Variants in ULK4 observed in about 807,000 individuals in gnomAD.
The protein encoded by ULK4 is unc-51 like kinase 4.
In ULK4, 133 loss-of-function variants were observed where a neutral mutation model predicts 160.6. That is an observed-to-expected ratio of 0.83 (90% CI 0.72 to 0.96). ULK4 has a LOEUF of 0.96. Among genes scored for constraint, ULK4 ranks in the 40% least tolerant of loss-of-function variants. The pLI is 0.00. For synonymous variants in ULK4, 534 were observed against 539.8 expected (o/e 0.99, Z 0.15); for missense variants, 1,580 against 1,499.5 (o/e 1.05, Z -0.89).
chr3:41,672,318 G>C (rs1269916940), intron 29 of ULK4, among the ~76,000 whole-genome samples: 1 of 152,146 alleles, frequency 6.6e-6, no homozygotes, highest in Non-Finnish European at 1.5e-5. Flanking sequence ...AATCAACCTA[G>C]TGTCCATCAA....
chr3:41,579,480 CTAATATTTTT>C, intron 31 of ULK4, among the ~76,000 whole-genome samples: 1 of 132,852 alleles, frequency 7.5e-6, no homozygotes, highest in African/African-American at 2.8e-5. Context: ...CAATCTGGAA[CTAATATTTTT>C]TTTTTTTTTT....
chr3:41,658,589 T>C lies in ULK4; in HGVS notation c.3071+5018A>G, dbSNP rs187017916. On this transcript the variant is annotated intron_variant, in intron 30 of 36. Transcript: ENST00000301831. ...GGACTTGTTAAATCAATATGTAATA[T>C]TGATAAAATGCAACGCTATGTATCT... Among the ~76,000 whole-genome samples, 247 of 152,286 alleles carry C rather than the reference T, an allele frequency of 1.6e-3. 1 individual carries two copies. The highest frequency in any genetic ancestry group is 5.8e-3 in the African/African-American group (240 of 41,566).
At chr3:41,805,518 A>G (rs2040614204) in intron 19 of ULK4, among the ~76,000 whole-genome samples, 1 of 151,860 alleles carries the variant, frequency 6.6e-6, no homozygotes, top group African/African-American at 2.4e-5. Context: ...TTCCAACACT[A>G]TGTTGAATAG....
At chr3:41,730,947 C>A (rs1193598505) in intron 22 of ULK4, among the ~76,000 whole-genome samples, 1 of 152,036 alleles carries the variant, frequency 6.6e-6, no homozygotes, top group Non-Finnish European at 1.5e-5. Context: ...GATTTCAATA[C>A]ATGCAGGGAA....
chr3:41,308,564 A>G (rs1214161180), intron 35 of ULK4, among the ~76,000 whole-genome samples: 13 of 152,236 alleles, frequency 8.5e-5, no homozygotes. Flanking sequence ...AAAAAGTGAA[A>G]AAATGTGGTT....
At chr3:41,774,296 T>C (rs2039519718) in intron 21 of ULK4, among the ~76,000 whole-genome samples, 1 of 150,516 alleles carries the variant, frequency 6.6e-6, no homozygotes, top group Non-Finnish European at 1.5e-5. Flanking sequence ...ACCTACAAAA[T>C]GGGAGAAAAT....
At chr3:41,666,663 C>T (rs145172734) in intron 29 of ULK4, among the ~76,000 whole-genome samples, 71 of 152,232 alleles carry the variant, frequency 4.7e-4, no homozygotes, top group African/African-American at 1.5e-3. Flanking sequence ...TACAGAAGGA[C>T]GGACCCACAA....
Position 41,818,457 on chromosome 3 carries a change from A to G in ULK4, c.1848+966T>C, listed in dbSNP as rs1489346662. On this transcript the variant is annotated intron_variant, in intron 19 of 36. Coordinates refer to ENST00000301831, the MANE Select transcript of ULK4 (RefSeq NM_017886.4). ...GTGCCTCTAAGTGCACCTAGCTTGA[A>G]GCTCTGAATGTTAAACCCAAACACG... Among the ~76,000 whole-genome samples the G allele has an allele frequency of 2.0e-5, 3 of 152,212 alleles. No individual in the cohort carries two copies. In the East Asian group the frequency reaches 5.8e-4, roughly 29 times the overall value.
At chr3:41,774,370 T>G (rs989315983) in intron 21 of ULK4, among the ~76,000 whole-genome samples, 5 of 149,946 alleles carry the variant, frequency 3.3e-5, no homozygotes, top group African/African-American at 1.3e-4. Flanking sequence ...TCAAACAAAT[T>G]TACAAGAAAA....
chr3:41,284,199 T>C (rs2079417442), intron 35 of ULK4, among the ~76,000 whole-genome samples: 1 of 152,030 alleles, frequency 6.6e-6, no homozygotes. Context: ...AATGCAATCC[T>C]CATCAAAATT....
At chr3:41,508,469 A>G (rs1161066239) in intron 32 of ULK4, among the ~76,000 whole-genome samples, 5 of 152,104 alleles carry the variant, frequency 3.3e-5, no homozygotes, top group Non-Finnish European at 4.4e-5. Flanking sequence ...TCCTCCCTAT[A>G]GTATCACAGG....
At chr3:41,566,379 G>C (rs1202769601) in intron 31 of ULK4, among the ~76,000 whole-genome samples, 1 of 152,202 alleles carries the variant, frequency 6.6e-6, no homozygotes, top group Non-Finnish European at 1.5e-5. Context: ...CATGAGCTGA[G>C]AGATAACACA....
intron 31 of ULK4, among the ~76,000 whole-genome samples, chr3:41,601,590 T>C (rs1364809407): frequency 6.6e-6 from 1 of 152,144 alleles, no homozygotes; most frequent in Non-Finnish European, 1.5e-5. Context: ...AGGTTAACAA[T>C]GACAGGCCAT....
intron 35 of ULK4, among the ~76,000 whole-genome samples, chr3:41,249,966 G>A (rs917987475): frequency 4.6e-5 from 7 of 152,300 alleles, no homozygotes; most frequent in African/African-American, 1.4e-4. Context: ...TCTGTCTTTG[G>A]GGCTCTCAGC....
At chr3:41,947,936 C>T (rs753993317) in intron 2 of ULK4, among the ~76,000 whole-genome samples, 10 of 152,114 alleles carry the variant, frequency 6.6e-5, no homozygotes, top group Non-Finnish European at 1.5e-4. Flanking sequence ...CTTCCCCAGG[C>T]TCTATAAATC....
chr3:41,944,827 T>C (rs1700065506), intron 2 of ULK4, among the ~76,000 whole-genome samples: 1 of 152,124 alleles, frequency 6.6e-6, no homozygotes, highest in Non-Finnish European at 1.5e-5. Context: ...CAGTGGCCTC[T>C]CCATTGCCAA....
At chr3:41,782,331 CT>C (rs1200995304) in intron 21 of ULK4, among the ~76,000 whole-genome samples, 2 of 152,076 alleles carry the variant, frequency 1.3e-5, no homozygotes, top group African/African-American at 4.8e-5. Context: ...GAGCAGTCAC[CT>C]TCTACCAGAC....
chr3:41,951,144 C>CAAAA (rs34524276), intron 2 of ULK4, among the ~76,000 whole-genome samples: 33 of 64,604 alleles, frequency 5.1e-4, no homozygotes, highest in African/African-American at 1.4e-3. Flanking sequence ...GGCTTCGTCT[C>CAAAA]AAAAAAAAAA....
intron 21 of ULK4, among the ~76,000 whole-genome samples, chr3:41,789,117 G>C (rs1289672896): frequency 6.6e-6 from 1 of 152,118 alleles, no homozygotes; most frequent in Non-Finnish European, 1.5e-5. Flanking sequence ...GGCTACTAGA[G>C]AGCCCTGTTT....
Sources: gnomAD v4.1 joint callset for allele counts (sites outside exome capture counted in the v4.1 genomes callset) on GRCh38, gnomAD v4.1.1 for gene constraint, MANE v1.5 for transcripts, NCBI Gene and HGNC (gene_info 2026-07-23, HGNC 2026-07-21) for gene names.